SYTL4: variants seen among roughly 807,000 people sequenced by gnomAD.
SYTL4 encodes the protein synaptotagmin-like protein 4.
In SYTL4, 16 loss-of-function variants were observed where a neutral mutation model predicts 52.7. The observed-to-expected ratio is 0.30, with a 90% CI of 0.21 to 0.46. The LOEUF is 0.46. SYTL4 is among the 20% of genes least tolerant of loss of function. SYTL4 has a pLI of 1.00. For synonymous variants in SYTL4, 160 were observed against 186.6 expected (o/e 0.86, Z 1.16); for missense variants, 423 against 519.9 (o/e 0.81, Z 1.81).
At chrX:100,690,783 C>T in intron 9 of SYTL4, 145 bp from the exon 10 acceptor site, 3 of 462,027 alleles carry the variant, frequency 6.5e-6, no homozygotes, top group Admixed American at 4.1e-5. Context: ...TGTGATTTAC[C>T]TGGAAGGAAT....
At chrX:100,713,624 G>GAA (rs58842955) in intron 2 of SYTL4, among the ~76,000 whole-genome samples, 15,283 of 101,564 alleles carry the variant, frequency 0.15, 2,328 homozygotes, top group African/African-American at 0.45. Context: ...TCAAAAGGGG[G>GAA]AAAAAAAAAA....
intron 2 of SYTL4, among the ~76,000 whole-genome samples, chrX:100,719,057 A>G (rs769715333): frequency 3.1e-4 from 34 of 111,050 alleles, no homozygotes; most frequent in Admixed American, 2.3e-3. Flanking sequence ...CGGCCTCCCA[A>G]CGTGCTGGGA....
intron 16 of SYTL4, among the ~76,000 whole-genome samples, chrX:100,684,276 T>G (rs2083434622): frequency 9.9e-6 from 1 of 101,212 alleles, no homozygotes; most frequent in Non-Finnish European, 2.1e-5. Flanking sequence ...AGGGACAAAT[T>G]TAATGTTGTC....
At chrX:100,729,172 G>A (rs1444782889) in intron 2 of SYTL4, among the ~76,000 whole-genome samples, 4 of 111,503 alleles carry the variant, frequency 3.6e-5, no homozygotes, top group African/African-American at 9.8e-5. Context: ...CCTGTAGGGC[G>A]ACAAACTGGG....
At chrX:100,704,290 T>C (rs752063833) in intron 3 of SYTL4, among the ~76,000 whole-genome samples, 1 of 112,150 alleles carries the variant, frequency 8.9e-6, no homozygotes, top group Non-Finnish European at 1.9e-5. Context: ...TCTGACTCTT[T>C]GGTTTCTCAT....
intron 2 of SYTL4, among the ~76,000 whole-genome samples, chrX:100,724,014 TGG>T (rs1320867513): frequency 1.7e-5 from 1 of 60,176 alleles, no homozygotes; most frequent in Admixed American, 1.9e-4. Context: ...GGGAGGGAGG[TGG>T]GGGGGGTCAG....
chrX:100,677,384 G>A (rs1336982285), intron 19 of SYTL4, among the ~76,000 whole-genome samples: 1 of 111,969 alleles, frequency 8.9e-6, no homozygotes, highest in Non-Finnish European at 1.9e-5. Flanking sequence ...ACTTTGGATT[G>A]TTTTCTAAGC....
intron 7 of SYTL4, 49 bp from the exon 8 acceptor site, chrX:100,701,048 A>G (rs772374819): frequency 9.7e-7 from 1 of 1,026,726 alleles, no homozygotes; most frequent in South Asian, 1.9e-5. Flanking sequence ...GAGTAGGGGA[A>G]AAAGGAAACA....
At chrX:100,693,057 G>A (rs2083632899) in intron 8 of SYTL4, among the ~76,000 whole-genome samples, 1 of 111,695 alleles carries the variant, frequency 9.0e-6, no homozygotes, top group Non-Finnish European at 1.9e-5. Flanking sequence ...AGCCTCTTGA[G>A]TAGCTGGGAT....
At position 100,690,545 on chromosome X, in the gene SYTL4, C is replaced by T; in HGVS notation, c.717+18G>A. The T allele has an allele frequency of 3.4e-6, 4 of 1,191,478 alleles. No individual in the cohort carries two copies. The highest frequency in any genetic ancestry group is 4.5e-6 in the Non-Finnish European group (4 of 880,568). ...AGGAAGGGAGGGGAGGAAGGTGGCT[C>T]AATAACCTGAAGCTTACCTTTTCTA... On this transcript the variant is annotated intron_variant, in intron 10 of 19. Transcript: ENST00000372989.
intron 3 of SYTL4, 45 bp from the exon 4 acceptor site, chrX:100,703,230 G>A (rs942160190): frequency 2.7e-5 from 3 of 110,437 alleles, no homozygotes; most frequent in South Asian, 3.9e-4. Context: ...GATGGTACAC[G>A]GCTGCATTCC....
At chrX:100,689,788 G>A (rs1301777450) in intron 12 of SYTL4, 68 bp downstream of exon 12, 13 of 665,805 alleles carry the variant, frequency 2.0e-5, no homozygotes, top group Non-Finnish European at 2.8e-5. Context: ...GAGAATATCA[G>A]GTACTAAAGC....
At chrX:100,728,937 T>C (rs1476804542) in intron 2 of SYTL4, among the ~76,000 whole-genome samples, 1 of 108,906 alleles carries the variant, frequency 9.2e-6, no homozygotes, top group African/African-American at 3.4e-5. Context: ...CTCGGGAGGC[T>C]GAGGCAGGAG....
At chrX:100,688,534 G>A in intron 12 of SYTL4, 91 bp from the exon 13 acceptor site, 3 of 740,548 alleles carry the variant, frequency 4.1e-6, no homozygotes, top group Non-Finnish European at 5.8e-6. Context: ...GCTCCAAGTT[G>A]CCATGTGTAT....
intron 8 of SYTL4, among the ~76,000 whole-genome samples, chrX:100,693,984 C>T: frequency 8.9e-6 from 1 of 111,899 alleles, no homozygotes; most frequent in East Asian, 2.8e-4. Context: ...CTAGATTAGG[C>T]AAATCCATCA....
intron 8 of SYTL4, among the ~76,000 whole-genome samples, chrX:100,696,165 G>C (rs755435225): frequency 1.5e-4 from 17 of 111,899 alleles, no homozygotes; most frequent in Non-Finnish European, 1.3e-4. Context: ...AGAAGTCTTT[G>C]TACAAACATA....
At position 100,730,583 on chromosome X, in the gene SYTL4, A is replaced by G. The variant is rs58902780; in HGVS notation, c.-240+835T>C. ...ATGTAAAGAACTTATCACAGTGTCC[A>G]GCTCAATGGAGCCTAACAACCAGAG... On this transcript the variant is annotated intron_variant, in intron 2 of 19. Coordinates refer to ENST00000372989, the MANE Select transcript of SYTL4 (RefSeq NM_001370165.1). 5.8e-3 allele frequency among the ~76,000 whole-genome samples: 650 copies of G among 111,909 alleles called. 5 individuals are homozygous for G. Among genetic ancestry groups the G allele is most frequent in the African/African-American group, 0.02 (627 of 30,781 alleles).
chrX:100,705,510 T>A (rs12396731), intron 2 of SYTL4, among the ~76,000 whole-genome samples: 1,622 of 111,585 alleles, frequency 0.015, 25 homozygotes, highest in African/African-American at 0.05. Context: ...AATTCCCATA[T>A]GTGTGATTAC....
chrX:100,728,266 C>T (rs1011540672), intron 2 of SYTL4, among the ~76,000 whole-genome samples: 3 of 112,304 alleles, frequency 2.7e-5, no homozygotes, highest in East Asian at 5.6e-4. Flanking sequence ...TTGAAGGGCC[C>T]AACTCCTTCC....
Sources: allele counts gnomAD v4.1 joint callset (sites outside exome capture counted in the v4.1 genomes callset), GRCh38; gene constraint gnomAD v4.1.1; transcripts MANE v1.5; gene names NCBI Gene and HGNC (gene_info 2026-07-23, HGNC 2026-07-21).